Variants in ERICH1 observed in about 807,000 individuals in gnomAD.
ERICH1 encodes glutamate rich 1.
ERICH1 carries 56 observed loss-of-function variants against 39.6 expected under a neutral mutation model. That is an observed-to-expected ratio of 1.41 (90% confidence interval 1.14 to 1.77). The LOEUF is 1.77. Ranked by LOEUF, ERICH1 falls within the 40% of genes most tolerant of loss-of-function variation. ERICH1 has a pLI of 0.00. For missense variants in ERICH1, 826 were observed against 575.4 expected (o/e 1.44, Z -4.45); for synonymous variants, 313 against 223.6 (o/e 1.40, Z -3.57).
chr8:712,935 G>A (rs896801661), intron 2 of ERICH1, among the ~76,000 whole-genome samples: 4 of 152,228 alleles, frequency 2.6e-5, no homozygotes, highest in Non-Finnish European at 5.9e-5. Context: ...CAGTGCATTA[G>A]CTTTCTAGGG....
At chr8:630,737 A>G (rs1166621436) in intron 3 of ERICH1, among the ~76,000 whole-genome samples, 1 of 133,604 alleles carries the variant, frequency 7.5e-6, no homozygotes, top group African/African-American at 2.9e-5. Flanking sequence ...CCACCCACAC[A>G]GACAGAGCTG....
intron 3 of ERICH1, among the ~76,000 whole-genome samples, chr8:690,508 G>A (rs1808661629): frequency 6.6e-6 from 1 of 152,274 alleles, no homozygotes; most frequent in East Asian, 1.9e-4. Context: ...AGACCCAAGG[G>A]CGCAGCAAGT....
At chr8:616,237 T>C (rs942958212) in intron 3 of ERICH1, 3 of 243,554 alleles carry the variant, frequency 1.2e-5, no homozygotes, top group African/African-American at 6.9e-5. Context: ...AGTTTCTCTG[T>C]GTTCAAATGG....
At position 673,484 on chromosome 8, in the gene ERICH1, CGTCTTCCTCCCCGGCCCGTGTCAG is replaced by C; in HGVS notation, c.844_867del (p.Leu282_Asp289del). ...CCGTCCTCCTCCCTGGTGTCTTTAC[CGTCTTCCTCCCCGGCCCGTGTCAG>C]GTCTTCCTCAATGGTGTCCACACCG... On this transcript the variant is annotated inframe_deletion, in exon 4 of 6. Transcript: ENST00000262109. The C allele has an allele frequency of 6.2e-7, 1 of 1,612,750 alleles. No individual in the cohort carries two copies. Among genetic ancestry groups the C allele is most frequent in the Non-Finnish European group, 8.5e-7 (1 of 1,179,676 alleles).
chr8:617,672 A>G (rs959140418), intron 3 of ERICH1, among the ~76,000 whole-genome samples: 1 of 147,910 alleles, frequency 6.8e-6, no homozygotes, highest in Non-Finnish European at 1.5e-5. Flanking sequence ...TGCTCGGTCT[A>G]TCCTCACTGC....
At chr8:653,363 C>T (rs1800218524) in intron 3 of ERICH1, among the ~76,000 whole-genome samples, 1 of 152,254 alleles carries the variant, frequency 6.6e-6, no homozygotes, top group African/African-American at 2.4e-5. Flanking sequence ...GAGTCTGCGC[C>T]TGTAATAGTG....
intron 3 of ERICH1, among the ~76,000 whole-genome samples, chr8:682,179 C>G (rs1806291393): frequency 1.3e-5 from 2 of 152,098 alleles, no homozygotes. Context: ...TCACGGTGGT[C>G]TGACAGGTGT....
chr8:728,298 C>T (rs1254260928), intron 1 of ERICH1, among the ~76,000 whole-genome samples: 1 of 152,192 alleles, frequency 6.6e-6, no homozygotes, highest in African/African-American at 2.4e-5. Flanking sequence ...TCCTGTATGG[C>T]TCTGCTCACC....
chr8:622,804 A>T lies in ERICH1; in HGVS notation c.977-7520T>A, dbSNP rs544093656. ...CGTGTCTCTATAAAAAAATTTTTTT[A>T]AAAAATAGCCAGGTGTAGTGGTGCA... On this transcript the variant is annotated intron_variant, in intron 3 of 3. Coordinates refer to the ERICH1 transcript ENST00000522706. Among the ~76,000 whole-genome samples the T allele has an allele frequency of 2.9e-3, 443 of 152,064 alleles. 4 individuals are homozygous for T. Among genetic ancestry groups the T allele is most frequent in the African/African-American group, 7.5e-3 (313 of 41,488 alleles).
chr8:649,015 C>A (rs59791381), intron 3 of ERICH1, among the ~76,000 whole-genome samples: 842 of 68,904 alleles, frequency 0.012, 286 homozygotes, highest in African/African-American at 0.03. Flanking sequence ...GGGATATTTG[C>A]ATACTAGTGC....
intron 4 of ERICH1, among the ~76,000 whole-genome samples, chr8:671,000 G>A (rs1803196284): frequency 6.6e-6 from 1 of 151,806 alleles, no homozygotes; most frequent in African/African-American, 2.4e-5. Context: ...CTGGTCCCCA[G>A]GCTCCGACCT....
At chr8:675,062 G>A (rs1240292404) in intron 3 of ERICH1, among the ~76,000 whole-genome samples, 1 of 152,250 alleles carries the variant, frequency 6.6e-6, no homozygotes, top group Non-Finnish European at 1.5e-5. Context: ...AGGGTGGGCA[G>A]GAAGCACCAT....
At chr8:662,604 C>T (rs918826512), downstream of ERICH1, among the ~76,000 whole-genome samples, 1 of 152,304 alleles carries the variant, frequency 6.6e-6, no homozygotes, top group Admixed American at 6.5e-5. Flanking sequence ...GCCGAGATCA[C>T]ACTATTGCAC....
chr8:721,344 C>T (rs565442793), intron 1 of ERICH1, among the ~76,000 whole-genome samples: 1 of 152,186 alleles, frequency 6.6e-6, no homozygotes, highest in African/African-American at 2.4e-5. Flanking sequence ...TACTTTCCAC[C>T]AGCTAATATT....
chr8:658,278 G>A (rs1800926445), intron 3 of ERICH1, among the ~76,000 whole-genome samples: 1 of 152,122 alleles, frequency 6.6e-6, no homozygotes, highest in Admixed American at 6.5e-5. Context: ...ACTGGGGAGA[G>A]AGGCTGGTTC....
At chr8:706,479 TA>T (rs1563314056) in intron 2 of ERICH1, among the ~76,000 whole-genome samples, 2 of 151,908 alleles carry the variant, frequency 1.3e-5, no homozygotes, top group Admixed American at 1.3e-4. Context: ...AGGAAAAATA[TA>T]AAAAAAGATA....
chr8:664,631 T>C lies in ERICH1; in HGVS notation c.1304A>G (p.His435Arg), dbSNP rs1254541451. The change falls in exon 6 of 6, where the codon CAT becomes CGT. Residue 435 changes from histidine (H) to arginine (R), a missense_variant. Transcript: ENST00000262109. ...ISAFFSYWITHILPEKSSD is the reference protein window; with the variant it reads ...ISAFFSYWITRILPEKSSD ...GTCACTGCTCTTCTCAGGAAGGATA[T>C]GTGTGATCCAGTAACTAAAGAAAGC... is the stretch of plus-strand genomic sequence containing the variant. 3 of 1,613,050 alleles carry C rather than the reference T, an allele frequency of 1.9e-6. No individual in the cohort carries two copies. The highest frequency in any genetic ancestry group is 2.2e-5 in the East Asian group (1 of 44,856).
At chr8:685,561 A>AT (rs1450318885) in intron 3 of ERICH1, among the ~76,000 whole-genome samples, 10 of 152,222 alleles carry the variant, frequency 6.6e-5, no homozygotes, top group African/African-American at 2.4e-4. Context: ...AATCTTCACA[A>AT]TTTATGTTCA....
rs1275795873 is a variant in ERICH1, at chr8:668,642, T to C, written c.1214A>G (p.Lys405Arg). Residue 405 changes from lysine (K) to arginine (R), a missense_variant, in exon 5 of 6, where the codon AAG (lysine) becomes AGG (arginine). Coordinates refer to ENST00000262109, the MANE Select transcript of ERICH1 (RefSeq NM_207332.3). ...TTCTGGGAACATTTCCAGAGCATGCTTCAATCTCTCAGTATCTTGCAGGAG... is the reference window on the plus strand; with the variant it reads ...TTCTGGGAACATTTCCAGAGCATGCCTCAATCTCTCAGTATCTTGCAGGAG... Reference protein sequence around the residue: ...LLLLQDTERLKHALEMFPEHC... With the variant: ...LLLLQDTERLRHALEMFPEHC... The C allele has an allele frequency of 6.2e-7, 1 of 1,614,242 alleles. No homozygotes were observed. The highest frequency in any genetic ancestry group is 1.1e-5 in the South Asian group (1 of 91,086).
Sources: allele counts gnomAD v4.1 joint callset (sites outside exome capture counted in the v4.1 genomes callset), GRCh38; gene constraint gnomAD v4.1.1; transcripts MANE v1.5; gene names NCBI Gene and HGNC (gene_info 2026-07-23, HGNC 2026-07-21).